NR3C1: variants seen among roughly 807,000 people sequenced by gnomAD.
NR3C1 encodes the protein nuclear receptor subfamily 3 group C member 1, also known as glucocorticoid receptor.
In NR3C1, 14 loss-of-function variants were observed where a neutral mutation model predicts 74.0. That is an observed-to-expected ratio of 0.19 (90% CI 0.12 to 0.30). NR3C1 has a LOEUF of 0.30. NR3C1 is among the 10% of genes least tolerant of loss of function. The pLI is 1.00. For synonymous variants in NR3C1, 308 were observed against 332.5 expected, an observed-to-expected ratio of 0.93 and a Z score of 0.80; for missense variants, 695 against 909.8, an observed-to-expected ratio of 0.76 and a Z score of 3.04.
rs895034037 is a variant in NR3C1, at chr5:143,280,693, G to GGAAA, written c.*1192_*1195dup. 1.3e-5 allele frequency: 2 copies of GGAAA among 152,512 alleles called. No individual in the cohort carries two copies. Among genetic ancestry groups the GGAAA allele is most frequent in the African/African-American group, 4.8e-5 (2 of 41,430 alleles). The allele number at this position is 152,512 out of a possible 1,614,324, so 9.4% of individuals were successfully genotyped here. A position where few individuals can be genotyped will look rare whatever the true frequency, so the allele number is the denominator to read the frequency against. ...GTAGCTGAGCTTTCCTGTACCATCA[G>GGAAA]GAAAGATTAACCAATTGGTGACAGA... On this transcript the variant is annotated 3_prime_UTR_variant, in exon 9 of 9. Transcript: ENST00000394464.
intron 2 of NR3C1, among the ~76,000 whole-genome samples, chr5:143,327,233 A>G (rs1824807760): frequency 6.6e-6 from 1 of 152,124 alleles, no homozygotes; most frequent in Non-Finnish European, 1.5e-5. Context: ...AGGAGAGAGA[A>G]AGAGCACAAG....
chr5:143,288,038 AGTAGTATTTTT>A (rs1229936930), intron 7 of NR3C1, among the ~76,000 whole-genome samples: 4 of 152,034 alleles, frequency 2.6e-5, no homozygotes, highest in African/African-American at 4.8e-5. Flanking sequence ...GTAGTATTTT[AGTAGTATTTTT>A]GGAAAGAGGA....
chr5:143,282,146 C>T (rs765529842), intron 8 of NR3C1, 105 bp from the exon 9 acceptor site: 4 of 1,162,230 alleles, frequency 3.4e-6, no homozygotes, highest in African/African-American at 1.5e-5. Flanking sequence ...CTAGAATATA[C>T]CAATCTCACT....
intron 2 of NR3C1, among the ~76,000 whole-genome samples, chr5:143,327,352 C>T (rs1278809894): frequency 6.6e-6 from 1 of 152,144 alleles, no homozygotes; most frequent in African/African-American, 2.4e-5. Context: ...GTCCCTCCCC[C>T]AAAACATGCG....
At chr5:143,376,456 C>A (rs1481727354) in intron 2 of NR3C1, among the ~76,000 whole-genome samples, 2 of 152,210 alleles carry the variant, frequency 1.3e-5, no homozygotes, top group Non-Finnish European at 2.9e-5. Flanking sequence ...CACGTTCCTT[C>A]TCTCTAAGCT....
intron 2 of NR3C1, among the ~76,000 whole-genome samples, chr5:143,362,878 A>G (rs192982276): frequency 2.6e-4 from 40 of 152,294 alleles, no homozygotes; most frequent in African/African-American, 9.6e-4. Context: ...CTAAAGATTG[A>G]GAGGAAAAGC....
At chr5:143,393,440 G>A (rs1389734380) in intron 2 of NR3C1, among the ~76,000 whole-genome samples, 1 of 152,120 alleles carries the variant, frequency 6.6e-6, no homozygotes, top group Non-Finnish European at 1.5e-5. Flanking sequence ...GCCATGGACT[G>A]TCTCCCTTAG....
chr5:143,330,627 T>C (rs1286982759), intron 2 of NR3C1, among the ~76,000 whole-genome samples: 1 of 152,224 alleles, frequency 6.6e-6, no homozygotes, highest in East Asian at 1.9e-4. Context: ...CAGTTCTGCA[T>C]GCAGGAAACA....
chr5:143,409,304 T>C (rs1841218611), intron 1 of NR3C1: 1 of 152,258 alleles, frequency 6.6e-6, no homozygotes, highest in African/African-American at 2.4e-5. Flanking sequence ...ATCACATATA[T>C]TTCCTCTTAC....
chr5:143,335,673 C>T lies in NR3C1; in HGVS notation c.1185-21505G>A, dbSNP rs115145698. On this transcript the variant is annotated intron_variant, in intron 2 of 8. Coordinates refer to ENST00000394464, the MANE Select transcript of NR3C1 (RefSeq NM_000176.3). ...GCTTTTTATGTGTGGTACTATTCAT[C>T]TGTATACTTCACATTTTGATAAAAC... 7.6e-3 allele frequency among the ~76,000 whole-genome samples: 1,152 copies of T among 152,266 alleles called. 17 individuals carry two copies. Among genetic ancestry groups the T allele is most frequent in the Middle Eastern group, 0.017 (5 of 294 alleles).
At chr5:143,406,469 T>A (rs1173906760), upstream of NR3C1, among the ~76,000 whole-genome samples, 3 of 152,194 alleles carry the variant, frequency 2.0e-5, no homozygotes. Context: ...GCCTGTTAAT[T>A]TTTTAATTTG....
intron 2 of NR3C1, among the ~76,000 whole-genome samples, chr5:143,338,866 A>G (rs1827679836): frequency 6.6e-6 from 1 of 152,188 alleles, no homozygotes; most frequent in Non-Finnish European, 1.5e-5. Context: ...ACTCACAGCA[A>G]CTTCCAATCC....
intron 1 of NR3C1, among the ~76,000 whole-genome samples, chr5:143,416,752 G>C (rs1288323810): frequency 1.3e-5 from 2 of 152,062 alleles, no homozygotes; most frequent in Non-Finnish European, 2.9e-5. Context: ...AAAGAAAAGG[G>C]GAGCCCAAAA....
At chr5:143,330,149 C>G (rs767684687) in intron 2 of NR3C1, among the ~76,000 whole-genome samples, 10 of 152,108 alleles carry the variant, frequency 6.6e-5, no homozygotes, top group Non-Finnish European at 1.2e-4. Context: ...TAACGTGTCT[C>G]TTCTAAAATG....
chr5:143,348,756 T>C (rs1309365246), intron 2 of NR3C1, among the ~76,000 whole-genome samples: 2 of 152,176 alleles, frequency 1.3e-5, no homozygotes, highest in Admixed American at 6.5e-5. Flanking sequence ...CTGTTAGCCA[T>C]GAGTTCAATG....
intron 1 of NR3C1, among the ~76,000 whole-genome samples, chr5:143,418,209 C>A (rs1751014272): frequency 6.6e-6 from 1 of 152,160 alleles, no homozygotes; most frequent in South Asian, 2.1e-4. Flanking sequence ...TATTGCTTGT[C>A]ATGTGTTAAC....
At chr5:143,297,522 T>A (rs1350436978) in intron 6 of NR3C1, among the ~76,000 whole-genome samples, 1 of 152,240 alleles carries the variant, frequency 6.6e-6, no homozygotes, top group African/African-American at 2.4e-5. Context: ...ATTTACCAGT[T>A]AATTTAAAAT....
intron 7 of NR3C1, chr5:143,295,184 G>A: frequency 6.1e-6 from 6 of 985,320 alleles, no homozygotes; most frequent in Non-Finnish European, 7.2e-6. Context: ...AAAGATCAAA[G>A]GAAGGAAGGA....
chr5:143,434,525 A>G (rs1386340721), intron 1 of NR3C1: 2 of 985,156 alleles, frequency 2.0e-6, no homozygotes, highest in South Asian at 4.7e-5. Flanking sequence ...ATAAAAATAT[A>G]ACCTACCTTC....
Sources: allele counts gnomAD v4.1 joint callset (sites outside exome capture counted in the v4.1 genomes callset), GRCh38; gene constraint gnomAD v4.1.1; transcripts MANE v1.5; gene names NCBI Gene and HGNC (gene_info 2026-07-23, HGNC 2026-07-21).